The following PSIP1 variants were observed in gnomAD, a reference collection of about 807,000 sequenced individuals.
PSIP1 encodes PC4 and SFRS1-interacting protein.
A neutral mutation model predicts 74.7 loss-of-function variants in PSIP1; 19 were observed. That is an observed-to-expected ratio of 0.25 (90% CI 0.18 to 0.37). PSIP1 has a LOEUF of 0.37. Among genes scored for constraint, PSIP1 ranks in the 10% least tolerant of loss-of-function variants. PSIP1 has a pLI of 1.00. For synonymous variants in PSIP1, 222 were observed against 195.3 expected (o/e 1.14, Z -1.14); for missense variants, 601 against 614.3 (o/e 0.98, Z 0.23).
chr9:15,465,948 TACAC>T (rs1223930022), intron 15 of PSIP1: 1 of 182,230 alleles, frequency 5.5e-6, no homozygotes, highest in African/African-American at 2.4e-5. Context: ...GAGAGGTTGA[TACAC>T]ACATAGACAA....
At chr9:15,509,497 T>TA (rs1272492440) in intron 2 of PSIP1, among the ~76,000 whole-genome samples, 2 of 152,102 alleles carry the variant, frequency 1.3e-5, no homozygotes, top group Admixed American at 1.3e-4. Flanking sequence ...AACAAAAAGG[T>TA]AAAACAACTT....
At chr9:15,471,843 T>G in intron 10 of PSIP1, 1 of 967,816 alleles carries the variant, frequency 1.0e-6, no homozygotes, top group Non-Finnish European at 1.2e-6. Flanking sequence ...GAGCATGTTT[T>G]AAAAATCACC....
At chr9:15,467,383 CA>C (rs2035683262) in intron 14 of PSIP1, among the ~76,000 whole-genome samples, 1 of 152,024 alleles carries the variant, frequency 6.6e-6, no homozygotes, top group Admixed American at 6.6e-5. Flanking sequence ...AATAAAGCAA[CA>C]AAAACAAAAA....
At chr9:15,472,087 T>C (rs936073602) in intron 10 of PSIP1, 1 of 981,584 alleles carries the variant, frequency 1.0e-6, no homozygotes, top group African/African-American at 1.8e-5. Flanking sequence ...CCTGTCTCTA[T>C]AAGTATCAAA....
intron 3 of PSIP1, among the ~76,000 whole-genome samples, chr9:15,501,157 G>GATT (rs1361895844): frequency 1.3e-5 from 2 of 151,638 alleles, no homozygotes; most frequent in African/African-American, 4.8e-5. Context: ...TTATATAGCA[G>GATT]GTAAATGGCA....
chr9:15,506,441 C>T, intron 3 of PSIP1, 120 bp downstream of exon 3: 2 of 663,940 alleles, frequency 3.0e-6, no homozygotes, highest in Non-Finnish European at 2.5e-6. Context: ...AGACTCTTTC[C>T]AAAGTTCAAA....
chr9:15,474,520 G>A (rs77109851), intron 8 of PSIP1, among the ~76,000 whole-genome samples: 228 of 152,272 alleles, frequency 1.5e-3, no homozygotes, highest in African/African-American at 5.2e-3. Context: ...ATGGAATTGC[G>A]GAAGTGAAAT....
In PSIP1 at chr9:15,468,401, G is replaced by A. The variant is rs1016531233; in HGVS notation, c.1420+229C>T. 1.0e-5 allele frequency: 7 copies of A among 694,374 alleles called. No individual in the cohort carries two copies. In the African/African-American group the frequency reaches 1.1e-4, roughly 11 times the overall value. 43.0% of individuals were successfully genotyped at this position (694,374 alleles called of 1,614,324 possible). A position where few individuals can be genotyped will look rare whatever the true frequency, so the allele number is the denominator to read the frequency against. On this transcript the variant is annotated intron_variant, in intron 14 of 15. Coordinates refer to ENST00000380733, the MANE Select transcript of PSIP1 (RefSeq NM_033222.5). ...GTTTATCCAGAGTCATCTGCCTCAT[G>A]AGCAATGGTTTCTGCCTTAGAAGTC...
chr9:15,485,157 G>C (rs1379118968), intron 6 of PSIP1, among the ~76,000 whole-genome samples: 1 of 152,150 alleles, frequency 6.6e-6, no homozygotes, highest in Admixed American at 6.5e-5. Flanking sequence ...ACTTCTGTAA[G>C]TTCCAAGGTC....
chr9:15,472,865 CAAATT>C, intron 9 of PSIP1, 115 bp from the exon 10 acceptor site: 1 of 913,530 alleles, frequency 1.1e-6, no homozygotes. Context: ...GATGAATACT[CAAATT>C]AGCAACCTAA....
At chr9:15,507,534 G>A (rs77520375) in intron 2 of PSIP1, among the ~76,000 whole-genome samples, 2 of 151,962 alleles carry the variant, frequency 1.3e-5, no homozygotes, top group African/African-American at 2.4e-5. Context: ...TGTAATCTCA[G>A]CCACTCCAGA....
intron 6 of PSIP1, among the ~76,000 whole-genome samples, chr9:15,482,766 C>T (rs1312747031): frequency 1.3e-5 from 2 of 152,170 alleles, no homozygotes; most frequent in Non-Finnish European, 2.9e-5. Context: ...TATTATGTTG[C>T]CACATTCTCC....
chr9:15,474,888 C>T (rs750639284), intron 8 of PSIP1, among the ~76,000 whole-genome samples: 9 of 152,030 alleles, frequency 5.9e-5, no homozygotes, highest in Non-Finnish European at 1.3e-4. Context: ...TGGAATAAGC[C>T]GTTTAAAAAC....
intron 10 of PSIP1, 65 bp from the exon 11 acceptor site, chr9:15,470,058 TATGTA>T: frequency 7.8e-7 from 1 of 1,283,854 alleles, no homozygotes; most frequent in Non-Finnish European, 1.1e-6. Context: ...CCACAATCCC[TATGTA>T]AAAGCTAAAA....
intron 3 of PSIP1, among the ~76,000 whole-genome samples, chr9:15,496,111 G>C (rs2037060359): frequency 6.6e-6 from 1 of 152,182 alleles, no homozygotes; most frequent in Admixed American, 6.5e-5. Flanking sequence ...AGCTTTAAAA[G>C]TGACATTATA....
At position 15,465,444 on chromosome 9, in the gene PSIP1, A is replaced by G. The variant is rs757593296; in HGVS notation, c.*76T>C. 4 of 1,302,632 alleles carry G rather than the reference A, an allele frequency of 3.1e-6. No homozygotes were observed. In the African/African-American group the frequency reaches 4.6e-5, roughly 15 times the overall value. The allele number at this position is 1,302,632 out of a possible 1,614,324, so 80.7% of individuals were successfully genotyped here. On this transcript the variant is annotated 3_prime_UTR_variant, in exon 16 of 16. Transcript: ENST00000380733. ...TCAAACCTATGCTTATAAAAATTTA[A>G]AACTTTCAGCAGTCTATTTCAAATG...
intron 4 of PSIP1, among the ~76,000 whole-genome samples, chr9:15,489,687 G>A (rs550288886): frequency 2.7e-5 from 4 of 150,746 alleles, no homozygotes; most frequent in South Asian, 4.2e-4. Context: ...CATGTAAGTC[G>A]CAAAACCTAA....
intron 6 of PSIP1, among the ~76,000 whole-genome samples, chr9:15,484,967 C>G (rs1444006563): frequency 3.3e-5 from 5 of 151,388 alleles, no homozygotes; most frequent in Non-Finnish European, 7.4e-5. Context: ...TTCTACAGTC[C>G]CAGCTATTAG....
At position 15,491,920 on chromosome 9, in the gene PSIP1, AACTC is replaced by A. The variant is rs1347301238; in HGVS notation, c.150-1800_150-1797del. 2.6e-5 allele frequency: 4 copies of A among 152,346 alleles called. No homozygotes were observed. In the South Asian group the frequency reaches 6.2e-4, roughly 24 times the overall value. 9.4% of individuals were successfully genotyped at this position (152,346 alleles called of 1,614,324 possible). On this transcript the variant is annotated intron_variant, in intron 3 of 15. Coordinates refer to ENST00000380733, the MANE Select transcript of PSIP1 (RefSeq NM_033222.5). ...CTTATGAAACCATCAGGTCTCATGA[AACTC>A]ACTATCACAAGAACAACATGGGGGA...
Sources: gnomAD v4.1 joint callset for allele counts (sites outside exome capture counted in the v4.1 genomes callset) on GRCh38, gnomAD v4.1.1 for gene constraint, MANE v1.5 for transcripts, NCBI Gene and HGNC (gene_info 2026-07-23, HGNC 2026-07-21) for gene names.